The following NAT1 variants were observed in gnomAD, a reference collection of about 807,000 sequenced individuals.
NAT1 encodes N-acetyltransferase 1, also known as arylamine N-acetyltransferase 1.
For missense variants in NAT1, 400 were observed against 339.2 expected (o/e 1.18, Z -1.41); for synonymous variants, 144 against 122.6 (o/e 1.17, Z -1.16).
intron 1 of NAT1, 113 bp from the exon 2 acceptor site, chr8:18,219,298 C>T: frequency 5.7e-6 from 4 of 705,568 alleles, no homozygotes; most frequent in Non-Finnish European, 9.5e-6. Context: ...AGTCCATTCC[C>T]TCTGTTTTGT....
At chr8:18,188,829 T>C (rs148653762) in intron 2 of NAT1, among the ~76,000 whole-genome samples, 10,308 of 151,270 alleles carry the variant, frequency 0.068, 493 homozygotes, top group South Asian at 0.15. Flanking sequence ...ACCCCGTCTC[T>C]ACTAAAACTA....
intron 1 of NAT1, among the ~76,000 whole-genome samples, chr8:18,214,972 G>T (rs1034198941): frequency 6.6e-6 from 1 of 152,200 alleles, no homozygotes; most frequent in African/African-American, 2.4e-5. Context: ...GTTTGCTAAG[G>T]ATAATAGCTT....
intron 2 of NAT1, among the ~76,000 whole-genome samples, chr8:18,179,946 G>A (rs1003991303): frequency 6.6e-6 from 1 of 152,172 alleles, no homozygotes; most frequent in African/African-American, 2.4e-5. Flanking sequence ...TAGAGGAGAT[G>A]TCATAAGGCA....
At chr8:18,178,903 T>C (rs748025465) in intron 2 of NAT1, among the ~76,000 whole-genome samples, 15 of 152,152 alleles carry the variant, frequency 9.9e-5, no homozygotes, top group Non-Finnish European at 1.5e-4. Context: ...GATTTGTCTT[T>C]TCACCTTACG....
intron 2 of NAT1, chr8:18,201,053 G>T (rs960012544): frequency 6.6e-6 from 1 of 152,200 alleles, no homozygotes; most frequent in African/African-American, 2.4e-5. Flanking sequence ...AAAATGAAAT[G>T]TAAATTCAAG....
At chr8:18,186,010 C>G (rs1026439949) in intron 2 of NAT1, among the ~76,000 whole-genome samples, 1 of 152,122 alleles carries the variant, frequency 6.6e-6, no homozygotes, top group African/African-American at 2.4e-5. Flanking sequence ...TCAAAGCACA[C>G]AGTACGTATG....
chr8:18,214,103 G>A lies in NAT1; in HGVS notation c.-86+3923G>A, dbSNP rs778750700. On this transcript the variant is annotated intron_variant, in intron 1 of 2. Coordinates refer to ENST00000307719, the MANE Select transcript of NAT1 (RefSeq NM_000662.8). ...GCTGGGATTACAGGCATGAGCAACCGTGCCCGGCCCTAACGTCATATTTCT... is the reference window on the plus strand; with the variant it reads ...GCTGGGATTACAGGCATGAGCAACCATGCCCGGCCCTAACGTCATATTTCT... Among the ~76,000 whole-genome samples the A allele has an allele frequency of 9.2e-5, 14 of 152,242 alleles. No homozygotes were observed. In the South Asian group the frequency reaches 1.0e-3, roughly 11 times the overall value.
upstream of NAT1, among the ~76,000 whole-genome samples, chr8:18,208,102 C>A (rs1803804130): frequency 7.0e-6 from 1 of 142,122 alleles, no homozygotes; most frequent in South Asian, 2.6e-4. Flanking sequence ...GCAAGACACA[C>A]TGGGGCCCGT....
chr8:18,219,356 T>C, intron 1 of NAT1, 55 bp from the exon 2 acceptor site: 1 of 1,213,588 alleles, frequency 8.2e-7, no homozygotes, highest in South Asian at 1.4e-5. Context: ...ACTATTATTT[T>C]GTTTTCAAGG....
intron 2 of NAT1, among the ~76,000 whole-genome samples, chr8:18,197,217 A>G (rs1210848953): frequency 6.6e-6 from 1 of 152,212 alleles, no homozygotes; most frequent in Non-Finnish European, 1.5e-5. Context: ...TGGAGATTAC[A>G]GTTTGAGATG....
At chr8:18,188,611 T>C (rs561933631) in intron 2 of NAT1, among the ~76,000 whole-genome samples, 21 of 152,232 alleles carry the variant, frequency 1.4e-4, no homozygotes, top group Non-Finnish European at 2.4e-4. Flanking sequence ...TTTTCTTTAA[T>C]ATAAAGTAAA....
chr8:18,176,219 C>T (rs1362945614), intron 2 of NAT1, among the ~76,000 whole-genome samples: 2 of 151,972 alleles, frequency 1.3e-5, no homozygotes, highest in Non-Finnish European at 2.9e-5. Flanking sequence ...GAATGTGATC[C>T]CAATTTGTCC....
chr8:18,197,863 G>T (rs56752390), intron 2 of NAT1, among the ~76,000 whole-genome samples: 1 of 151,842 alleles, frequency 6.6e-6, no homozygotes, highest in African/African-American at 2.4e-5. Flanking sequence ...CTGCTAGAGG[G>T]ATGGGTTCTG....
intron 2 of NAT1, among the ~76,000 whole-genome samples, chr8:18,198,814 G>A (rs1803341862): frequency 2.0e-5 from 3 of 152,178 alleles, no homozygotes; most frequent in Admixed American, 2.0e-4. Context: ...TCTGTGGGCT[G>A]CCTTTTTGGT....
chr8:18,189,577 G>A (rs183532732), intron 2 of NAT1, among the ~76,000 whole-genome samples: 1 of 152,322 alleles, frequency 6.6e-6, no homozygotes, highest in African/African-American at 2.4e-5. Context: ...CTCAAGGGGA[G>A]TGGGAAGTGA....
chr8:18,184,372 T>A (rs1265855422), intron 2 of NAT1, among the ~76,000 whole-genome samples: 1 of 152,064 alleles, frequency 6.6e-6, no homozygotes, highest in Non-Finnish European at 1.5e-5. Context: ...GGGCCCATCA[T>A]CCAAAACCCT....
Position 18,186,664 on chromosome 8 carries a change from T to C in NAT1, n.92+15925T>C, listed in dbSNP as rs77913307. On this transcript the variant is annotated intron_variant and non_coding_transcript_variant, in intron 2 of 4. Coordinates refer to the NAT1 transcript ENST00000517441. ...GCTTTTAGAACAGTTGAATATCTTTTATTATTCCTTTTCTTTTCTCCATTG... is the reference window on the plus strand; with the variant it reads ...GCTTTTAGAACAGTTGAATATCTTTCATTATTCCTTTTCTTTTCTCCATTG... Among the ~76,000 whole-genome samples the C allele has an allele frequency of 1.1e-4, 17 of 152,346 alleles. No homozygotes were observed. The East Asian group carries it at 3.3e-3, about 29-fold the overall frequency.
intron 1 of NAT1, among the ~76,000 whole-genome samples, chr8:18,218,640 C>A (rs571294960): frequency 3.9e-5 from 6 of 152,228 alleles, no homozygotes; most frequent in African/African-American, 1.4e-4. Context: ...ATTTGTTTGT[C>A]ATGGTGAAGT....
chr8:18,188,974 G>A (rs1256402035), intron 2 of NAT1, among the ~76,000 whole-genome samples: 1 of 115,764 alleles, frequency 8.6e-6, no homozygotes, highest in Non-Finnish European at 1.7e-5. Flanking sequence ...CAGCCTGGGT[G>A]ACAGAGAGAG....
Sources: allele counts gnomAD v4.1 joint callset (sites outside exome capture counted in the v4.1 genomes callset), GRCh38; gene constraint gnomAD v4.1.1; transcripts MANE v1.5; gene names NCBI Gene and HGNC (gene_info 2026-07-23, HGNC 2026-07-21).